RETREG1: variants seen among roughly 807,000 people sequenced by gnomAD.
The protein encoded by RETREG1 is reticulophagy regulator 1, also known as family with sequence similarity 134 member B.
RETREG1 carries 44 observed loss-of-function variants against 54.8 expected under a neutral mutation model. The observed-to-expected ratio is 0.80, with a 90% CI of 0.63 to 1.03. RETREG1 has a LOEUF of 1.03. Ranked by LOEUF, RETREG1 falls within the 50% of genes least tolerant of loss-of-function variation. The probability of loss-of-function intolerance (pLI) is 0.00; values close to 1 mark genes in which losing one functional copy is unlikely to be tolerated. For missense variants in RETREG1, 554 were observed against 605.1 expected, an observed-to-expected ratio of 0.92 and a Z score of 0.89; for synonymous variants, 217 against 238.5, an observed-to-expected ratio of 0.91 and a Z score of 0.83.
At chr5:16,563,553 C>A (rs776213915) in intron 3 of RETREG1, among the ~76,000 whole-genome samples, 2 of 152,122 alleles carry the variant, frequency 1.3e-5, no homozygotes, top group African/African-American at 2.4e-5. Flanking sequence ...AGCCACCGTG[C>A]CTGGCCTGTA....
intron 3 of RETREG1, among the ~76,000 whole-genome samples, chr5:16,524,018 C>A (rs2126584650): frequency 6.6e-6 from 1 of 152,306 alleles, no homozygotes; most frequent in Admixed American, 6.5e-5. Flanking sequence ...CTCCCCTCAA[C>A]TGGTCCAACC....
intron 3 of RETREG1, among the ~76,000 whole-genome samples, chr5:16,491,104 C>A (rs1211652627): frequency 1.3e-5 from 2 of 152,184 alleles, no homozygotes; most frequent in East Asian, 3.9e-4. Context: ...TCCCTGTGTG[C>A]CAGGCACTAT....
chr5:16,518,813 G>A (rs1330560659), intron 3 of RETREG1, among the ~76,000 whole-genome samples: 1 of 152,092 alleles, frequency 6.6e-6, no homozygotes, highest in African/African-American at 2.4e-5. Flanking sequence ...GAAAATTGAA[G>A]CAAACCCTCC....
intron 3 of RETREG1, among the ~76,000 whole-genome samples, chr5:16,511,002 T>C (rs1445361350): frequency 2.0e-5 from 3 of 152,112 alleles, no homozygotes; most frequent in Admixed American, 6.5e-5. Flanking sequence ...ACCACAGAAC[T>C]GAATATATCC....
rs1209170193 is a variant in RETREG1 at position 16,473,698 on chromosome 5, T to C, written c.*1043A>G. 1.3e-5 allele frequency: 2 copies of C among 152,420 alleles called. No individual in the cohort carries two copies. The highest frequency in any genetic ancestry group is 4.8e-5 in the African/African-American group (2 of 41,468). 9.4% of individuals were successfully genotyped at this position (152,420 alleles called of 1,614,324 possible). A position where few individuals can be genotyped will look rare whatever the true frequency, so the allele number is the denominator to read the frequency against. ...CTTAAAAAGTTTAAAGGAAAATATA[T>C]ATATTCTATCTTCCCAATAAGAAAC... is the stretch of plus-strand genomic sequence containing the variant. On this transcript the variant is annotated 3_prime_UTR_variant, in exon 9 of 9. Transcript: ENST00000306320.
chr5:16,483,858 T>C (rs891026646), intron 3 of RETREG1, among the ~76,000 whole-genome samples: 1 of 152,006 alleles, frequency 6.6e-6, no homozygotes, highest in Non-Finnish European at 1.5e-5. Context: ...TGCTATCCTA[T>C]TGAGTCTCAA....
intron 3 of RETREG1, among the ~76,000 whole-genome samples, chr5:16,538,825 C>T (rs1192221628): frequency 2.6e-5 from 4 of 152,120 alleles, no homozygotes; most frequent in Admixed American, 2.6e-4. Context: ...CTACCTCAGC[C>T]TCCCGAGTGG....
chr5:16,530,289 C>A (rs1045875674), intron 3 of RETREG1, among the ~76,000 whole-genome samples: 1 of 152,208 alleles, frequency 6.6e-6, no homozygotes, highest in African/African-American at 2.4e-5. Context: ...CTCCCAGGGG[C>A]ATTTCTGCCA....
intron 3 of RETREG1, among the ~76,000 whole-genome samples, chr5:16,505,172 C>T (rs1312157025): frequency 1.3e-5 from 2 of 152,130 alleles, no homozygotes; most frequent in African/African-American, 4.8e-5. Flanking sequence ...CCTGTGAGGA[C>T]GCAAAACTGG....
chr5:16,578,148 T>G (rs1742386271), intron 1 of RETREG1, among the ~76,000 whole-genome samples: 2 of 152,226 alleles, frequency 1.3e-5, no homozygotes, highest in Admixed American at 1.3e-4. Flanking sequence ...TGGCACAACC[T>G]TAGTTATTCT....
intron 3 of RETREG1, among the ~76,000 whole-genome samples, chr5:16,538,695 C>CTTTCAT (rs1249199576): frequency 6.6e-6 from 1 of 151,416 alleles, no homozygotes; most frequent in Non-Finnish European, 1.5e-5. Context: ...CAAATACATT[C>CTTTCAT]TTTCATTCTT....
At chr5:16,530,595 G>T (rs1479591051) in intron 3 of RETREG1, among the ~76,000 whole-genome samples, 1 of 152,144 alleles carries the variant, frequency 6.6e-6, no homozygotes, top group Non-Finnish European at 1.5e-5. Flanking sequence ...CCTGAGGGCC[G>T]GGCACAGTGA....
At chr5:16,477,957 A>G in intron 7 of RETREG1, 77 bp downstream of exon 7, 1 of 1,346,930 alleles carries the variant, frequency 7.4e-7, no homozygotes, top group Non-Finnish European at 1.0e-6. Context: ...TATTAGGAAG[A>G]TCATTCAGCT....
In RETREG1 at chr5:16,481,058, A is replaced by T. The variant is rs1738749477; in HGVS notation, c.621T>A (p.Phe207Leu). 1 of 1,611,544 alleles carries T rather than the reference A, an allele frequency of 6.2e-7. No homozygotes were observed. ...CLLVCSVCTF[F>L]TILGSYIPGV... Reference sequence around the variant, plus strand: ...CAGGAATGTAACTTCCCAAGATCGTAAAAAATGTGCACACACTACAGACCA... The same window carrying T: ...CAGGAATGTAACTTCCCAAGATCGTTAAAAATGTGCACACACTACAGACCA... Residue 207 changes from phenylalanine to leucine, a missense_variant, in exon 5 of 9, where the codon TTT (phenylalanine) becomes TTA (leucine). Physicochemically the swap from Phe to Leu is conservative, Grantham distance 22. Around this residue, in one of 4 missense-constraint regions of RETREG1, gnomAD observed 347 missense variants for 412.3 expected, o/e 0.84. Coordinates refer to ENST00000306320, the MANE Select transcript of RETREG1 (RefSeq NM_001034850.3).
In RETREG1 at chr5:16,572,046, C is replaced by G; in HGVS notation, c.377G>C (p.Gly126Ala). 30 of 1,613,798 alleles carry G rather than the reference C, an allele frequency of 1.9e-5. No individual in the cohort carries two copies. Among genetic ancestry groups the G allele is most frequent in the Non-Finnish European group, 2.5e-5 (30 of 1,179,860 alleles). Residue 126 changes from glycine to alanine, a missense_variant, in exon 2 of 9, where the codon GGG becomes GCG. Coordinates refer to ENST00000306320, the MANE Select transcript of RETREG1 (RefSeq NM_001034850.3). ...CTTTATTATTTGCATAATAACACGCCCAAGTATCATGACGGAAATCAGGTG... is the reference window on the plus strand; with the variant it reads ...CTTTATTATTTGCATAATAACACGCGCAAGTATCATGACGGAAATCAGGTG... ...VYHLISVMIL[G>A]RVIMQIIKDM...
At chr5:16,518,539 T>C (rs576031854) in intron 3 of RETREG1, among the ~76,000 whole-genome samples, 11 of 152,026 alleles carry the variant, frequency 7.2e-5, no homozygotes, top group Non-Finnish European at 1.3e-4. Flanking sequence ...ATTACTCTTA[T>C]GGTAAGAAAA....
intron 3 of RETREG1, among the ~76,000 whole-genome samples, chr5:16,535,291 A>G (rs1372886184): frequency 9.2e-5 from 14 of 152,238 alleles, no homozygotes; most frequent in African/African-American, 3.4e-4. Flanking sequence ...ACCACATGTG[A>G]AGAGAGCCCT....
intron 3 of RETREG1, among the ~76,000 whole-genome samples, chr5:16,547,063 T>C (rs1280135263): frequency 6.6e-6 from 1 of 152,204 alleles, no homozygotes; most frequent in Admixed American, 6.5e-5. Context: ...CTTGACACAA[T>C]GCGAGGGACC....
chr5:16,475,237 G>C lies in RETREG1; in HGVS notation c.1001-3C>G, dbSNP rs1319974693. The C allele has an allele frequency of 6.2e-7, 1 of 1,610,754 alleles. No homozygotes were observed. Among genetic ancestry groups the C allele is most frequent in the Non-Finnish European group, 8.5e-7 (1 of 1,179,718 alleles). ...TTCCTCACTGGGTCGGTCAAGATCTGTGAAATGGATAACAGAAGTTCAGAC... is the reference window on the plus strand; with the variant it reads ...TTCCTCACTGGGTCGGTCAAGATCTCTGAAATGGATAACAGAAGTTCAGAC... On this transcript the variant is annotated splice_polypyrimidine_tract_variant and splice_region_variant and intron_variant, in intron 8 of 8. Transcript: ENST00000306320.
Sources: gnomAD v4.1 joint callset for allele counts (sites outside exome capture counted in the v4.1 genomes callset) on GRCh38, gnomAD v4.1.1 for gene constraint, gnomAD v4.1.1 regional missense constraint, MANE v1.5 for transcripts, NCBI Gene and HGNC (gene_info 2026-07-23, HGNC 2026-07-21) for gene names.